The following CELF2 variants were observed in gnomAD, a reference collection of about 807,000 sequenced individuals.
CELF2 encodes CUG triplet repeat RNA-binding protein 2.
Under a neutral mutation model 62.6 loss-of-function variants are expected in CELF2, and 8 were observed. The ratio of observed to expected loss-of-function variants is 0.13; its 90% CI spans 0.07 to 0.23. The LOEUF is 0.23. Ranked by LOEUF, CELF2 falls within the 10% of genes least tolerant of loss-of-function variation. The pLI, the probability that CELF2 is intolerant of heterozygous loss-of-function variation, is 1.00. For missense variants in CELF2, 333 were observed against 671.0 expected, an observed-to-expected ratio of 0.50 and a Z score of 5.56; for synonymous variants, 258 against 250.0, an observed-to-expected ratio of 1.03 and a Z score of -0.30.
the CELF2 span, among the ~76,000 whole-genome samples, chr10:10,767,763 G>A: frequency 3.3e-5 from 5 of 152,104 alleles, no homozygotes; most frequent in African/African-American, 1.2e-4. Flanking sequence ...TTGGGAGGCC[G>A]AGGCGGGTGG....
At chr10:10,882,539 A>T (rs918365643) in intron 1 of CELF2, among the ~76,000 whole-genome samples, 1 of 152,348 alleles carries the variant, frequency 6.6e-6, no homozygotes, top group South Asian at 2.1e-4. Flanking sequence ...CATGAAACTC[A>T]TTTAATTATT....
chr10:10,515,297 C>G, the CELF2 span, among the ~76,000 whole-genome samples: 51 of 149,820 alleles, frequency 3.4e-4, no homozygotes, highest in African/African-American at 1.2e-3. Context: ...TGAAATCACA[C>G]AATTCAATTA....
chr10:11,103,487 A>ATTT (rs3054364), intron 1 of CELF2, among the ~76,000 whole-genome samples: 13,661 of 119,596 alleles, frequency 0.11, 1,861 homozygotes, highest in African/African-American at 0.3. Context: ...TTGTAGCCTG[A>ATTT]TTTTTTTTTT....
chr10:11,282,202 C>T (rs1379150161), intron 8 of CELF2, among the ~76,000 whole-genome samples: 1 of 151,990 alleles, frequency 6.6e-6, no homozygotes, highest in Non-Finnish European at 1.5e-5. Context: ...CTCTCAGATG[C>T]AAAGTTTAAG....
At chr10:10,620,789 AGTCCCAGC>A in the CELF2 span, among the ~76,000 whole-genome samples, 11,718 of 149,442 alleles carry the variant, frequency 0.078, 648 homozygotes, top group African/African-American at 0.15. Context: ...GCCTGTAGGT[AGTCCCAGC>A]GTCCCAGCTA....
chr10:10,697,344 C>T, the CELF2 span, among the ~76,000 whole-genome samples: 1 of 152,166 alleles, frequency 6.6e-6, no homozygotes, highest in East Asian at 1.9e-4. Flanking sequence ...GACAAGCTGT[C>T]CATTGTCAAT....
chr10:11,014,040 C>T (rs1366917995), upstream of CELF2, among the ~76,000 whole-genome samples: 1 of 152,180 alleles, frequency 6.6e-6, no homozygotes, highest in Non-Finnish European at 1.5e-5. Context: ...ATGGGAAATC[C>T]CCTCACAGGG....
At chr10:11,231,354 C>T (rs2068574569) in intron 3 of CELF2, among the ~76,000 whole-genome samples, 1 of 152,132 alleles carries the variant, frequency 6.6e-6, no homozygotes, top group Non-Finnish European at 1.5e-5. Context: ...CTTATTAGAC[C>T]AGCATCAAAG....
the CELF2 span, among the ~76,000 whole-genome samples, chr10:10,739,671 A>G: frequency 1.1e-4 from 16 of 152,174 alleles, no homozygotes; most frequent in Non-Finnish European, 1.9e-4. Flanking sequence ...AAAGCAATCC[A>G]GGATCCCACA....
the CELF2 span, among the ~76,000 whole-genome samples, chr10:10,540,982 C>T: frequency 3.3e-5 from 5 of 151,988 alleles, no homozygotes; most frequent in African/African-American, 9.7e-5. Context: ...CAGGAGATCG[C>T]GCCACTGCAC....
chr10:10,658,023 C>G, the CELF2 span, among the ~76,000 whole-genome samples: 1 of 152,268 alleles, frequency 6.6e-6, no homozygotes, highest in Middle Eastern at 3.4e-3. Context: ...ACTTAACATG[C>G]CACTATGAAA....
At chr10:11,045,446 C>T (rs372632885) in intron 1 of CELF2, among the ~76,000 whole-genome samples, 57 of 152,234 alleles carry the variant, frequency 3.7e-4, no homozygotes, top group African/African-American at 1.3e-3. Context: ...CTTTATCTTC[C>T]AATATTCAGT....
At chr10:11,127,001 C>G (rs529795882) in intron 1 of CELF2, among the ~76,000 whole-genome samples, 15 of 152,140 alleles carry the variant, frequency 9.9e-5, no homozygotes, top group African/African-American at 3.6e-4. Context: ...CACCCATACA[C>G]TCATCATCTA....
chr10:10,627,966 G>A, the CELF2 span, among the ~76,000 whole-genome samples: 8 of 152,192 alleles, frequency 5.3e-5, no homozygotes, highest in Non-Finnish European at 1.0e-4. Flanking sequence ...GCAGTGGCAC[G>A]ATCTCAGCTC....
rs778162079 is a variant in CELF2 at position 11,267,743 on chromosome 10, G to A, written c.618+1066G>A. ...TCTCCCAAAGCATGCTGGGAGCTAA[G>A]TGATCATTATGCGTCATGTTTTGTG... On this transcript the variant is annotated intron_variant, in intron 6 of 12. Transcript: ENST00000633077. The surrounding 1 kb of genome is among the most constrained non-coding windows in gnomAD (Gnocchi z 4.4). Among the ~76,000 whole-genome samples the A allele has an allele frequency of 1.5e-4, 23 of 152,074 alleles. No individual in the cohort carries two copies. Among genetic ancestry groups the A allele is most frequent in the Admixed American group, 3.9e-4 (6 of 15,270 alleles).
intron 2 of CELF2, among the ~76,000 whole-genome samples, chr10:10,974,886 T>G (rs1324839437): frequency 6.6e-6 from 1 of 152,098 alleles, no homozygotes; most frequent in African/African-American, 2.4e-5. Flanking sequence ...AACCATAGAG[T>G]GATTTTACAG....
In CELF2 at chr10:10,813,348, T is replaced by C. The variant is rs1345213988; in HGVS notation, c.53+14531T>C. 3.3e-5 allele frequency among the ~76,000 whole-genome samples: 5 copies of C among 152,244 alleles called. No individual in the cohort carries two copies. In the South Asian group the frequency reaches 8.3e-4, roughly 25 times the overall value. On this transcript the variant is annotated intron_variant, in intron 1 of 13. Transcript: ENST00000636488. ...TTAACCATGCTGTAGAACTCCATTT[T>C]GATTTTGTTTTGTGCTAGTTTTTCA...
intron 1 of CELF2, among the ~76,000 whole-genome samples, chr10:10,800,854 C>CT (rs934447065): frequency 6.6e-6 from 1 of 150,762 alleles, no homozygotes; most frequent in African/African-American, 2.4e-5. Flanking sequence ...TGATGCTTTC[C>CT]TTTTTTTTTA....
intron 10 of CELF2, chr10:11,320,807 A>C: frequency 6.6e-7 from 1 of 1,506,372 alleles, no homozygotes. Context: ...TACAGATGTT[A>C]CAGGCCTCTG....
Sources: allele counts gnomAD v4.1 joint callset (sites outside exome capture counted in the v4.1 genomes callset), GRCh38; gene constraint gnomAD v4.1.1; non-coding constraint Gnocchi (gnomAD v3.1); transcripts MANE v1.5; gene names NCBI Gene and HGNC (gene_info 2026-07-23, HGNC 2026-07-21).